RBM33: variants seen among roughly 807,000 people sequenced by gnomAD.
RBM33 encodes RNA binding motif protein 33.
In RBM33, 28 loss-of-function variants were observed where a neutral mutation model predicts 132.6. That is an observed-to-expected ratio of 0.21 (90% CI 0.16 to 0.29). The LOEUF is 0.29. Ranked by LOEUF, RBM33 falls within the 10% of genes least tolerant of loss-of-function variation. The pLI is 1.00. For synonymous variants in RBM33, 634 were observed against 593.0 expected, an observed-to-expected ratio of 1.07 and a Z score of -1.01; for missense variants, 1,291 against 1,518.5, an observed-to-expected ratio of 0.85 and a Z score of 2.49.
At chr7:155,701,430 A>G (rs1799960439) in intron 6 of RBM33, 1 of 165,730 alleles carries the variant, frequency 6.0e-6, no homozygotes, top group Non-Finnish European at 1.3e-5. Flanking sequence ...TGACTCGTTT[A>G]TAGAAATAAT....
At chr7:155,701,064 G>C (rs962584635) in intron 6 of RBM33, 120 bp downstream of exon 6, 2 of 832,838 alleles carry the variant, frequency 2.4e-6, no homozygotes, top group Non-Finnish European at 4.1e-6. Context: ...CTGCCGTCCG[G>C]AGAGTGGCCG....
chr7:155,732,659 T>A (rs912001306), intron 9 of RBM33, among the ~76,000 whole-genome samples: 1 of 152,206 alleles, frequency 6.6e-6, no homozygotes, highest in African/African-American at 2.4e-5. Context: ...TGGTAAAAAT[T>A]AGCAGCAAGT....
At chr7:155,718,966 C>T (rs4716902) in intron 9 of RBM33, among the ~76,000 whole-genome samples, 9,646 of 151,944 alleles carry the variant, frequency 0.063, 460 homozygotes, top group African/African-American at 0.13. Context: ...CTCTCTCTCT[C>T]TCACACACAC....
chr7:155,657,816 G>A (rs1798533487), intron 1 of RBM33, among the ~76,000 whole-genome samples: 1 of 152,170 alleles, frequency 6.6e-6, no homozygotes, highest in Non-Finnish European at 1.5e-5. Flanking sequence ...TTCATAGATA[G>A]GGAATGCTCC....
chr7:155,732,624 T>C (rs748579186), intron 9 of RBM33, among the ~76,000 whole-genome samples: 4 of 152,240 alleles, frequency 2.6e-5, no homozygotes, highest in Non-Finnish European at 5.9e-5. Flanking sequence ...TGAGAATTTA[T>C]ATATATTTTT....
At chr7:155,694,362 G>A (rs767613933) in intron 5 of RBM33, among the ~76,000 whole-genome samples, 45 of 152,166 alleles carry the variant, frequency 3.0e-4, no homozygotes, top group Non-Finnish European at 5.7e-4. Flanking sequence ...TATTTAAAAA[G>A]ACTTGCCATT....
chr7:155,685,672 A>G (rs1799458146), intron 5 of RBM33, among the ~76,000 whole-genome samples: 1 of 152,182 alleles, frequency 6.6e-6, no homozygotes, highest in East Asian at 1.9e-4. Context: ...GATAGATTGC[A>G]TTTGTACTGA....
chr7:155,673,768 G>GCGCGCACACACACACACA (rs1554469952), intron 3 of RBM33, among the ~76,000 whole-genome samples: 7 of 132,980 alleles, frequency 5.3e-5, no homozygotes, highest in African/African-American at 1.9e-4. Context: ...GCGCATGCGC[G>GCGCGCACACACACACACA]CACACACACA....
chr7:155,774,024 C>A lies in RBM33; in HGVS notation c.3376-535C>A, dbSNP rs1436584586. 6.6e-6 allele frequency among the ~76,000 whole-genome samples: 1 copy of A among 152,166 alleles called. No individual in the cohort carries two copies. The highest frequency in any genetic ancestry group is 1.5e-5 in the Non-Finnish European group (1 of 68,034). The stretch of plus-strand genomic sequence containing the variant: ...AAACTCTTAAAGTACAAAATGTGAC[C>A]ACGTTATGCTGATGTCTGCCCCAGG... On this transcript the variant is annotated intron_variant, in intron 16 of 17. Coordinates refer to ENST00000401878, the MANE Select transcript of RBM33 (RefSeq NM_053043.3). The surrounding 1 kb of genome is among the most constrained non-coding windows in gnomAD (Gnocchi z 4.2).
chr7:155,713,466 G>A lies in RBM33; in HGVS notation c.1201+2011G>A, dbSNP rs567904485. ...CAGGGAGGCCAAGGACTGGGACCCC[G>A]GCACTCGACGTGGGAATGGGGGCAG... is the stretch of plus-strand genomic sequence containing the variant. On this transcript the variant is annotated intron_variant, in intron 8 of 17. Coordinates refer to ENST00000401878, the MANE Select transcript of RBM33 (RefSeq NM_053043.3). Among the ~76,000 whole-genome samples, 3 of 152,130 alleles carry A rather than the reference G, an allele frequency of 2.0e-5. No homozygotes were observed. In the South Asian group the frequency reaches 6.3e-4, roughly 32 times the overall value.
intron 9 of RBM33, among the ~76,000 whole-genome samples, chr7:155,724,541 A>G (rs1026321410): frequency 2.0e-5 from 3 of 152,216 alleles, no homozygotes; most frequent in Non-Finnish European, 2.9e-5. Context: ...TAAGAACGAA[A>G]CAAAACAAAA....
In RBM33 at chr7:155,775,781, A is replaced by C. The variant is rs769783238; in HGVS notation, c.*740A>C. On this transcript the variant is annotated 3_prime_UTR_variant, in exon 18 of 18. Coordinates refer to ENST00000401878, the MANE Select transcript of RBM33 (RefSeq NM_053043.3). The stretch of plus-strand genomic sequence containing the variant: ...GCCCTCGGCTAGAGCAGGGTCTGTG[A>C]TGGCCTCACCTGGCAGCCCTCTGGC... 1.1e-4 allele frequency: 17 copies of C among 153,282 alleles called. No homozygotes were observed. The highest frequency in any genetic ancestry group is 1.9e-4 in the Non-Finnish European group (13 of 68,740). The allele number at this position is 153,282 out of a possible 1,614,324, so 9.5% of individuals were successfully genotyped here.
intron 14 of RBM33, among the ~76,000 whole-genome samples, chr7:155,762,282 G>A (rs918820609): frequency 7.2e-5 from 11 of 152,232 alleles, no homozygotes; most frequent in African/African-American, 2.7e-4. Flanking sequence ...AGACCCATGG[G>A]CTTCCCTGTG....
chr7:155,661,118 G>A (rs1044639510), intron 1 of RBM33, among the ~76,000 whole-genome samples: 4 of 69,320 alleles, frequency 5.8e-5, no homozygotes, highest in African/African-American at 1.3e-4. Flanking sequence ...GTGTGTGTGT[G>A]TGTGTGTGTG....
intron 13 of RBM33, 133 bp downstream of exon 13, chr7:155,742,239 T>C: frequency 1.2e-6 from 1 of 812,946 alleles, no homozygotes. Flanking sequence ...CTTTTTTTTT[T>C]TTTAACCTAA....
At chr7:155,645,031 C>T (rs117348825) in intron 1 of RBM33, 112 bp downstream of exon 1, 23,985 of 764,360 alleles carry the variant, frequency 0.031, 518 homozygotes, top group Non-Finnish European at 0.038. Context: ...GGCTCCGACT[C>T]TCTTTGTGTT....
At chr7:155,684,471 G>A (rs1307472077) in intron 5 of RBM33, among the ~76,000 whole-genome samples, 1 of 152,148 alleles carries the variant, frequency 6.6e-6, no homozygotes, top group African/African-American at 2.4e-5. Flanking sequence ...TGAGAAGGGG[G>A]CCTAATGGAG....
At chr7:155,758,906 C>T (rs1369178285) in intron 14 of RBM33, among the ~76,000 whole-genome samples, 3 of 152,012 alleles carry the variant, frequency 2.0e-5, no homozygotes, top group African/African-American at 7.3e-5. Context: ...CCACTGGGAC[C>T]GAAGAGTCTG....
chr7:155,736,978 G>C (rs1278024237), intron 9 of RBM33, among the ~76,000 whole-genome samples: 1 of 152,168 alleles, frequency 6.6e-6, no homozygotes, highest in Non-Finnish European at 1.5e-5. Context: ...CAGTTTTTAT[G>C]TTAATATGTG....
Sources: gnomAD v4.1 joint callset for allele counts (sites outside exome capture counted in the v4.1 genomes callset) on GRCh38, gnomAD v4.1.1 for gene constraint, Gnocchi (gnomAD v3.1) non-coding constraint, MANE v1.5 for transcripts, NCBI Gene and HGNC (gene_info 2026-07-23, HGNC 2026-07-21) for gene names.